The following CPD variants were observed in gnomAD, a reference collection of about 807,000 sequenced individuals.
CPD encodes carboxypeptidase D.
In CPD, 69 loss-of-function variants were observed where a neutral mutation model predicts 138.3. The observed-to-expected ratio is 0.50, with a 90% CI of 0.41 to 0.61. The LOEUF is 0.61. Among genes scored for constraint, CPD ranks in the 20% least tolerant of loss-of-function variants. CPD has a pLI of 0.00. For synonymous variants in CPD, 651 were observed against 642.1 expected (o/e 1.01, Z -0.21); for missense variants, 1,432 against 1,733.3 (o/e 0.83, Z 3.09).
Position 30,379,072 on chromosome 17 carries a change from C to G in CPD, c.92C>G (p.Ala31Gly). 6.4e-7 allele frequency: 1 copy of G among 1,560,252 alleles called. No homozygotes were observed. Among genetic ancestry groups the G allele is most frequent in the Non-Finnish European group, 8.6e-7 (1 of 1,159,518 alleles). ...CTGCTGCTGGGGAGCTCGGCCCGGG[C>G]GGCTCACATCAAGAAGGCGGAGGCG... ...CLLLLGSSAR[A>G]AHIKKAEATT... is the part of the protein sequence containing the mutation. The change falls in exon 1 of 21, where the codon GCG (alanine) becomes GGG (glycine). Residue 31 changes from alanine (A) to glycine (G), a missense_variant. Coordinates refer to ENST00000225719, the MANE Select transcript of CPD (RefSeq NM_001304.5). This position sits in a 1 kb window ranked among gnomAD's most constrained non-coding sequence, Gnocchi z 7.0.
Position 30,421,754 on chromosome 17 carries a change from A to G in CPD, c.1228A>G (p.Asn410Asp). 6.2e-7 allele frequency: 1 copy of G among 1,613,656 alleles called. No homozygotes were observed. Among genetic ancestry groups the G allele is most frequent in the South Asian group, 1.1e-5 (1 of 91,054 alleles). ...CATCTCAGTGGCTGGTATTAATCAT[A>G]ATATCACAACAGGCAGATTTGGTGA... ...ATISVAGINH[N>D]ITTGRFGDFY... The change falls in exon 4 of 21, where the codon AAT becomes GAT. Residue 410 changes from asparagine (N) to aspartate (D), a missense_variant. Around this residue, in one of 6 missense-constraint regions of CPD, gnomAD observed 160 missense variants for 197.9 expected, o/e 0.81. Coordinates refer to ENST00000225719, the MANE Select transcript of CPD (RefSeq NM_001304.5).
intron 2 of CPD, among the ~76,000 whole-genome samples, chr17:30,418,421 A>G (rs1453727490): frequency 6.6e-6 from 1 of 152,030 alleles, no homozygotes; most frequent in East Asian, 1.9e-4. Context: ...GAGCTCAAGC[A>G]GTCTGCCCAG....
chr17:30,444,079 G>A (rs1057993), intron 11 of CPD, 108 bp downstream of exon 11: 521,190 of 1,103,852 alleles, frequency 0.47, 128,634 homozygotes, highest in East Asian at 0.8. Flanking sequence ...AACTTTGAAT[G>A]GATTGCTGCG....
At chr17:30,421,317 A>G (rs1019775959) in intron 3 of CPD, among the ~76,000 whole-genome samples, 3 of 152,122 alleles carry the variant, frequency 2.0e-5, no homozygotes, top group Admixed American at 2.0e-4. Flanking sequence ...GTGAGCCTTT[A>G]CCACTATATG....
At chr17:30,442,026 A>G (rs1036322623) in intron 9 of CPD, among the ~76,000 whole-genome samples, 42 of 149,800 alleles carry the variant, frequency 2.8e-4, no homozygotes, top group Non-Finnish European at 4.2e-4. Context: ...ATTCGGCTGT[A>G]AATCCATCTG....
At position 30,424,989 on chromosome 17, in the gene CPD, T is replaced by A. The variant is rs192232382; in HGVS notation, c.1849+1292T>A. Among the ~76,000 whole-genome samples the A allele has an allele frequency of 3.2e-3, 487 of 152,248 alleles. 3 individuals are homozygous for A. Among genetic ancestry groups the A allele is most frequent in the Middle Eastern group, 0.01 (3 of 294 alleles). ...AAATAGGCACAAGATCTTACTTATA[T>A]ATGTATATATTTCAGATTTTTCCCC... On this transcript the variant is annotated intron_variant, in intron 6 of 20. Transcript: ENST00000225719.
intron 6 of CPD, among the ~76,000 whole-genome samples, chr17:30,425,939 G>A (rs1053886334): frequency 5.9e-5 from 9 of 152,210 alleles, no homozygotes; most frequent in East Asian, 3.9e-4. Context: ...TGTGGCTCAC[G>A]CCTGTCATCC....
At chr17:30,424,464 G>T (rs1912349340) in intron 6 of CPD, among the ~76,000 whole-genome samples, 1 of 152,222 alleles carries the variant, frequency 6.6e-6, no homozygotes, top group Non-Finnish European at 1.5e-5. Flanking sequence ...ACTTTGGAGT[G>T]CCGTGGTCAA....
intron 2 of CPD, among the ~76,000 whole-genome samples, chr17:30,406,736 C>T (rs1911808298): frequency 6.6e-6 from 1 of 152,142 alleles, no homozygotes; most frequent in African/African-American, 2.4e-5. Flanking sequence ...TGCAAATTAA[C>T]ACAGCTATTA....
intron 2 of CPD, among the ~76,000 whole-genome samples, chr17:30,406,672 T>C (rs1911806935): frequency 1.3e-5 from 2 of 152,190 alleles, no homozygotes; most frequent in Admixed American, 1.3e-4. Flanking sequence ...GGGATTATAG[T>C]GTTACTCTAC....
rs1375794305 is a variant in CPD at position 30,464,866 on chromosome 17, C to T, written c.*52C>T. On this transcript the variant is annotated 3_prime_UTR_variant, in exon 21 of 21. Transcript: ENST00000225719. ...ATAAGTACCAAGCAAAATTACAGTTCCTCTTGGGAGAACACTGCATTAAGA... is the reference window on the plus strand; with the variant it reads ...ATAAGTACCAAGCAAAATTACAGTTTCTCTTGGGAGAACACTGCATTAAGA... 7.1e-7 allele frequency: 1 copy of T among 1,408,030 alleles called. No individual in the cohort carries two copies. Among genetic ancestry groups the T allele is most frequent in the Admixed American group, 1.7e-5 (1 of 59,448 alleles). The allele number at this position is 1,408,030 out of a possible 1,614,324, so 87.2% of individuals were successfully genotyped here. A position where few individuals can be genotyped will look rare whatever the true frequency, so the allele number is the denominator to read the frequency against.
chr17:30,431,425 T>C (rs1280080580), intron 7 of CPD, among the ~76,000 whole-genome samples: 1 of 152,190 alleles, frequency 6.6e-6, no homozygotes, highest in Non-Finnish European at 1.5e-5. Flanking sequence ...TTTCTTATGT[T>C]CTTGATGCAT....
intron 2 of CPD, among the ~76,000 whole-genome samples, chr17:30,406,129 G>A (rs1005901781): frequency 2.6e-5 from 4 of 151,706 alleles, no homozygotes; most frequent in Admixed American, 6.6e-5. Context: ...TTTATTTCCA[G>A]TGTCATTTTA....
At chr17:30,399,742 C>T (rs1792449299) in intron 2 of CPD, among the ~76,000 whole-genome samples, 4 of 152,156 alleles carry the variant, frequency 2.6e-5, no homozygotes, top group African/African-American at 9.7e-5. Flanking sequence ...GTAATCCCAG[C>T]ACTTTTGGAG....
At chr17:30,413,567 A>G (rs1912023558) in intron 2 of CPD, among the ~76,000 whole-genome samples, 1 of 152,108 alleles carries the variant, frequency 6.6e-6, no homozygotes, top group African/African-American at 2.4e-5. Context: ...CATTGCTCCA[A>G]CCTCCTTTTA....
chr17:30,421,593 G>T, intron 3 of CPD, 71 bp from the exon 4 acceptor site: 6 of 1,342,086 alleles, frequency 4.5e-6, no homozygotes, highest in South Asian at 1.2e-5. Flanking sequence ...TCTAGTATCG[G>T]TGCAGAGAGA....
intron 2 of CPD, among the ~76,000 whole-genome samples, chr17:30,412,228 G>T (rs1189426242): frequency 2.6e-5 from 4 of 152,140 alleles, no homozygotes; most frequent in Non-Finnish European, 5.9e-5. Flanking sequence ...AAATATTGCT[G>T]CCTGATCCTT....
intron 2 of CPD, 96 bp from the exon 3 acceptor site, chr17:30,420,745 T>G (rs1298909875): frequency 7.9e-6 from 9 of 1,134,506 alleles, no homozygotes; most frequent in Admixed American, 2.5e-5. Flanking sequence ...AAAAGAAAAT[T>G]TATACATCCA....
intron 2 of CPD, among the ~76,000 whole-genome samples, chr17:30,402,346 A>G (rs1911696261): frequency 6.6e-6 from 1 of 152,190 alleles, no homozygotes; most frequent in African/African-American, 2.4e-5. Context: ...TGGGTGGATT[A>G]CTTGAGGTCC....
Sources: allele counts gnomAD v4.1 joint callset (sites outside exome capture counted in the v4.1 genomes callset), GRCh38; gene constraint gnomAD v4.1.1; regional missense constraint gnomAD v4.1.1; non-coding constraint Gnocchi (gnomAD v3.1); transcripts MANE v1.5; gene names NCBI Gene and HGNC (gene_info 2026-07-23, HGNC 2026-07-21).